Variants in ST7L observed in about 807,000 individuals in gnomAD.
The protein encoded by ST7L is suppressor of tumorigenicity 7 protein-like.
Under a neutral mutation model 72.5 loss-of-function variants are expected in ST7L, and 57 were observed. That is an observed-to-expected ratio of 0.79 (90% CI 0.64 to 0.98). The LOEUF is 0.98. Among genes scored for constraint, ST7L ranks in the 50% least tolerant of loss-of-function variants. The probability of loss-of-function intolerance (pLI) is 0.00; values close to 1 mark genes in which losing one functional copy is unlikely to be tolerated. For missense variants in ST7L, 576 were observed against 672.2 expected, an observed-to-expected ratio of 0.86 and a Z score of 1.58; for synonymous variants, 221 against 240.9, an observed-to-expected ratio of 0.92 and a Z score of 0.77.
chr1:112,605,260 G>A (rs866677338), intron 3 of ST7L, among the ~76,000 whole-genome samples: 10 of 152,004 alleles, frequency 6.6e-5, no homozygotes, highest in African/African-American at 2.4e-4. Context: ...GGGTGCAGTG[G>A]CAGGTGCCCG....
chr1:112,613,866 T>C (rs541658934), intron 2 of ST7L, among the ~76,000 whole-genome samples: 1 of 152,090 alleles, frequency 6.6e-6, no homozygotes, highest in Non-Finnish European at 1.5e-5. Context: ...TAGCTGGGAC[T>C]ACAGGAATGC....
rs1440526223 is a variant in ST7L, at chr1:112,550,696, G to A, written c.1397-3C>T. 1 of 1,607,548 alleles carries A rather than the reference G, an allele frequency of 6.2e-7. No individual in the cohort carries two copies. The highest frequency in any genetic ancestry group is 8.5e-7 in the Non-Finnish European group (1 of 1,176,484). On this transcript the variant is annotated splice_region_variant and splice_polypyrimidine_tract_variant and intron_variant, in intron 12 of 14. Transcript: ENST00000358039. ...CGGGTATGGAATCATTCTAAAAGCT[G>A]AGGAAAAAAAAGCATGTGTTGATAC...
chr1:112,613,118 C>T (rs527723068), intron 2 of ST7L, among the ~76,000 whole-genome samples: 2 of 148,400 alleles, frequency 1.3e-5, no homozygotes, highest in South Asian at 2.1e-4. Flanking sequence ...AACACTGTTT[C>T]GAAAAAAAAA....
chr1:112,584,431 G>C (rs1036274098), intron 6 of ST7L, among the ~76,000 whole-genome samples: 5 of 151,326 alleles, frequency 3.3e-5, no homozygotes, highest in African/African-American at 4.8e-5. Context: ...TTTGTGAAAG[G>C]GGGGAGAAAA....
chr1:112,592,879 G>A (rs1319323063), intron 5 of ST7L, among the ~76,000 whole-genome samples: 1 of 151,840 alleles, frequency 6.6e-6, no homozygotes, highest in Non-Finnish European at 1.5e-5. Flanking sequence ...CTTTCTAGAA[G>A]TAGAACAGCT....
chr1:112,541,957 A>G lies in ST7L; in HGVS notation c.1623T>C (p.Ala541=). 6.2e-7 allele frequency: 1 copy of G among 1,613,660 alleles called. No homozygotes were observed. Among genetic ancestry groups the G allele is most frequent in the South Asian group, 1.1e-5 (1 of 90,932 alleles). The change falls in exon 14 of 15, where the codon GCT becomes GCC. Residue 541 remains alanine (A), a synonymous_variant. Transcript: ENST00000358039. ...TCCTTGAGATCATACTTACAGCTTT[A>G]GCAAAAATACCCATGATTTCAGGAA... is the stretch of plus-strand genomic sequence containing the variant. ...HQFPEIMGIF[A]KAVLGLWCPQ... is the part of the protein sequence containing the mutation.
At chr1:112,535,578 A>T (rs951429119) in intron 14 of ST7L, among the ~76,000 whole-genome samples, 2 of 151,512 alleles carry the variant, frequency 1.3e-5, no homozygotes, top group Admixed American at 1.3e-4. Flanking sequence ...ACAAATTTTT[A>T]AAAATTAGCC....
intron 3 of ST7L, among the ~76,000 whole-genome samples, chr1:112,609,608 G>A (rs1668766897): frequency 6.6e-6 from 1 of 151,870 alleles, no homozygotes; most frequent in South Asian, 2.1e-4. Flanking sequence ...CAGATCATGA[G>A]GTCAAGAGAT....
chr1:112,611,112 C>T lies in ST7L; in HGVS notation c.289-109G>A. On this transcript the variant is annotated intron_variant, in intron 2 of 14. Transcript: ENST00000358039. Reference sequence around the variant, plus strand: ...TGTTCAATTCAGCATTTTAAATGCACTCTCCTTTCAAAAAGAAAAAAACAT... The same window carrying T: ...TGTTCAATTCAGCATTTTAAATGCATTCTCCTTTCAAAAAGAAAAAAACAT... The T allele has an allele frequency of 2.9e-6, 3 of 1,046,166 alleles. No individual in the cohort carries two copies. In the South Asian group the frequency reaches 5.8e-5, roughly 20 times the overall value. 64.8% of individuals were successfully genotyped at this position (1,046,166 alleles called of 1,614,324 possible).
intron 3 of ST7L, among the ~76,000 whole-genome samples, chr1:112,610,187 G>C (rs1455197886): frequency 6.6e-6 from 1 of 152,108 alleles, no homozygotes; most frequent in East Asian, 1.9e-4. Context: ...TCTGTGGGGT[G>C]GAGTAGAGGG....
chr1:112,596,437 T>A (rs1558036169), intron 5 of ST7L, among the ~76,000 whole-genome samples: 2 of 152,226 alleles, frequency 1.3e-5, no homozygotes, highest in Non-Finnish European at 2.9e-5. Flanking sequence ...ACTCAAGGCA[T>A]ATTACTTGAT....
chr1:112,539,655 C>CAAAAAAAAAAAA (rs11372554), intron 14 of ST7L: 3 of 764,494 alleles, frequency 3.9e-6, no homozygotes, highest in Non-Finnish European at 4.5e-6. Flanking sequence ...GACTCTGTTT[C>CAAAAAAAAAAAA]AAAAAAAAAA....
chr1:112,581,875 C>A, intron 9 of ST7L, 117 bp downstream of exon 9: 1 of 750,758 alleles, frequency 1.3e-6, no homozygotes, highest in Admixed American at 2.7e-5. Flanking sequence ...CCTCTGAGTG[C>A]TAAATACTGA....
At chr1:112,549,036 C>G (rs1657635681) in intron 13 of ST7L, among the ~76,000 whole-genome samples, 1 of 151,146 alleles carries the variant, frequency 6.6e-6, no homozygotes, top group Non-Finnish European at 1.5e-5. Flanking sequence ...TGAAAAATCC[C>G]TCCTGGGATT....
At chr1:112,614,574 G>GT (rs1229714046) in intron 2 of ST7L, among the ~76,000 whole-genome samples, 1 of 152,072 alleles carries the variant, frequency 6.6e-6, no homozygotes, top group Non-Finnish European at 1.5e-5. Flanking sequence ...AAAATGGTCT[G>GT]TATTTAGTCC....
At chr1:112,553,548 T>G (rs902041276) in intron 12 of ST7L, among the ~76,000 whole-genome samples, 1 of 152,166 alleles carries the variant, frequency 6.6e-6, no homozygotes, top group Admixed American at 6.5e-5. Flanking sequence ...TGGAAAAAAA[T>G]GCACATAAAT....
At chr1:112,543,868 C>CAAA (rs11418345) in intron 13 of ST7L, among the ~76,000 whole-genome samples, 1,153 of 59,256 alleles carry the variant, frequency 0.019, 42 homozygotes, top group African/African-American at 0.071. Flanking sequence ...GACTCTATCT[C>CAAA]AAAAAAAAAA....
At chr1:112,540,421 A>G in intron 14 of ST7L, 1 of 985,500 alleles carries the variant, frequency 1.0e-6, no homozygotes, top group Non-Finnish European at 1.2e-6. Context: ...ACTACTGCAA[A>G]TAACAGTTAT....
chr1:112,537,717 ATATAAGCAC>A (rs1261526002), intron 14 of ST7L, among the ~76,000 whole-genome samples: 1 of 152,250 alleles, frequency 6.6e-6, no homozygotes, highest in Non-Finnish European at 1.5e-5. Context: ...ATCAGCTCTG[ATATAAGCAC>A]ATTCCACATC....
Sources: gnomAD v4.1 joint callset for allele counts (sites outside exome capture counted in the v4.1 genomes callset) on GRCh38, gnomAD v4.1.1 for gene constraint, MANE v1.5 for transcripts, NCBI Gene and HGNC (gene_info 2026-07-23, HGNC 2026-07-21) for gene names.